RYR2: variants seen among roughly 807,000 people sequenced by gnomAD.
RYR2 encodes cardiac muscle ryanodine receptor-calcium release channel.
Under a neutral mutation model 601.1 loss-of-function variants are expected in RYR2, and 227 were observed. The observed-to-expected ratio is 0.38, with a 90% CI of 0.34 to 0.42. The LOEUF (loss-of-function observed/expected upper bound fraction) is 0.42, where lower values mean the gene tolerates loss of function less well. Among genes scored for constraint, RYR2 ranks in the 10% least tolerant of loss-of-function variants. The pLI, the probability that RYR2 is intolerant of heterozygous loss-of-function variation, is 1.00. For synonymous variants in RYR2, 2,223 were observed against 2,175.1 expected, an observed-to-expected ratio of 1.02 and a Z score of -0.61; for missense variants, 4,646 against 6,156.5, an observed-to-expected ratio of 0.75 and a Z score of 8.21.
At chr1:237,774,048 A>T (rs1160057810) in intron 87 of RYR2, among the ~76,000 whole-genome samples, 3 of 152,246 alleles carry the variant, frequency 2.0e-5, no homozygotes, top group African/African-American at 7.2e-5. Context: ...TCGCATATGT[A>T]TATTATAGAT....
chr1:237,640,873 T>C, intron 46 of RYR2, 24 bp from the exon 47 acceptor site: 1 of 1,596,104 alleles, frequency 6.3e-7, no homozygotes, highest in Non-Finnish European at 8.6e-7. Context: ...TTGCTTTCTC[T>C]TTCTTTTGAA....
chr1:237,663,560 G>A (rs1307136235), intron 56 of RYR2, among the ~76,000 whole-genome samples: 1 of 152,174 alleles, frequency 6.6e-6, no homozygotes, highest in Non-Finnish European at 1.5e-5. Flanking sequence ...AGCTGGTATC[G>A]TGAGCTTGGG....
At chr1:237,459,810 G>C (rs1384870909) in intron 16 of RYR2, among the ~76,000 whole-genome samples, 2 of 152,124 alleles carry the variant, frequency 1.3e-5, no homozygotes, top group Admixed American at 1.3e-4. Flanking sequence ...TATGAACACG[G>C]TTCCTGCTCC....
chr1:237,590,630 C>G lies in RYR2; in HGVS notation c.3808-10C>G. 3 of 1,494,940 alleles carry G rather than the reference C, an allele frequency of 2.0e-6. No individual in the cohort carries two copies. Among genetic ancestry groups the G allele is most frequent in the Non-Finnish European group, 2.7e-6 (3 of 1,121,478 alleles). The allele number at this position is 1,494,940 out of a possible 1,614,324, so 92.6% of individuals were successfully genotyped here. On this transcript the variant is annotated splice_polypyrimidine_tract_variant and intron_variant, in intron 30 of 104. Transcript: ENST00000366574. ...ATTGGAATGTGAACTATCGCTTCTT[C>G]GTTTGCTAGGTGACCAGAATAGACG...
At chr1:237,225,470 T>G (rs1684261069) in intron 1 of RYR2, among the ~76,000 whole-genome samples, 1 of 152,096 alleles carries the variant, frequency 6.6e-6, no homozygotes, top group Non-Finnish European at 1.5e-5. Flanking sequence ...TATAAAACCT[T>G]CAGATCTTGT....
At chr1:237,536,346 C>G (rs548050832) in intron 25 of RYR2, among the ~76,000 whole-genome samples, 1 of 152,098 alleles carries the variant, frequency 6.6e-6, no homozygotes, top group African/African-American at 2.4e-5. Context: ...CCGAGGCAGG[C>G]GGATCACAAG....
At chr1:237,727,221 G>A (rs1284138038) in intron 76 of RYR2, 22 bp downstream of exon 76, 3 of 1,179,068 alleles carry the variant, frequency 2.5e-6, no homozygotes, top group Non-Finnish European at 3.6e-6. Flanking sequence ...TTTATTTTTT[G>A]TAATAGATCA....
At chr1:237,332,197 G>C (rs1696812573) in intron 3 of RYR2, among the ~76,000 whole-genome samples, 1 of 152,112 alleles carries the variant, frequency 6.6e-6, no homozygotes, top group Admixed American at 6.5e-5. Flanking sequence ...GGAGTGATCA[G>C]TTATAACGTT....
At chr1:237,448,039 G>A (rs2150180246) in intron 14 of RYR2, among the ~76,000 whole-genome samples, 1 of 151,606 alleles carries the variant, frequency 6.6e-6, no homozygotes, top group Middle Eastern at 3.4e-3. Flanking sequence ...AATTTCTACT[G>A]TGTCAGCTTC....
At chr1:237,529,260 C>A (rs1450717834) in intron 24 of RYR2, among the ~76,000 whole-genome samples, 1 of 152,090 alleles carries the variant, frequency 6.6e-6, no homozygotes, top group Non-Finnish European at 1.5e-5. Context: ...CTTTATTCAG[C>A]TTATTTTGTA....
intron 71 of RYR2, among the ~76,000 whole-genome samples, chr1:237,714,941 C>T (rs149967238): frequency 0.031 from 3,933 of 128,866 alleles, 60 homozygotes; most frequent in Middle Eastern, 0.086. Flanking sequence ...TGCAGTGAGC[C>T]GAGATCACAC....
At chr1:237,535,725 T>G (rs1414508710) in intron 25 of RYR2, among the ~76,000 whole-genome samples, 2 of 152,206 alleles carry the variant, frequency 1.3e-5, no homozygotes, top group Non-Finnish European at 2.9e-5. Context: ...CTCAGTAGTG[T>G]ATTAACAAAG....
intron 98 of RYR2, among the ~76,000 whole-genome samples, chr1:237,804,901 A>T (rs1228168577): frequency 1.3e-5 from 2 of 152,212 alleles, no homozygotes; most frequent in African/African-American, 4.8e-5. Context: ...GCTGTAGAGC[A>T]AGGGTTCTTC....
chr1:237,188,701 G>T (rs1047227316), intron 1 of RYR2, among the ~76,000 whole-genome samples: 1 of 152,090 alleles, frequency 6.6e-6, no homozygotes, highest in African/African-American at 2.4e-5. Context: ...GAGTAGCTGG[G>T]ATTACAGGTG....
intron 82 of RYR2, among the ~76,000 whole-genome samples, chr1:237,758,446 C>T (rs921685270): frequency 1.3e-5 from 2 of 152,022 alleles, no homozygotes; most frequent in Non-Finnish European, 1.5e-5. Flanking sequence ...AGTTATCACA[C>T]CCCCCGTAAA....
rs1695374375 is a variant in RYR2 at position 237,784,351 on chromosome 1, G to C, written c.12639G>C (p.Glu4213Asp). The change falls in exon 90 of 105, where the codon GAG (glutamate) becomes GAC (aspartate). Residue 4213 changes from glutamate to aspartate, a missense_variant. Around this residue, in one of 17 missense-constraint regions of RYR2, gnomAD observed 364 missense variants for 442.9 expected, o/e 0.82. Transcript: ENST00000366574. The surrounding 1 kb of genome is among the most constrained non-coding windows in gnomAD (Gnocchi z 7.1). The part of the protein sequence containing the change: ...AAQISESDLN[E>D]RSANKEESEK... ...AGATCTCGGAGTCGGACTTGAACGA[G>C]AGGTCAGCGAATAAGGAAGAAAGCG... The C allele has an allele frequency of 7.4e-6, 12 of 1,613,802 alleles. No individual in the cohort carries two copies. The highest frequency in any genetic ancestry group is 1.6e-4 in the Middle Eastern group (1 of 6,084).
intron 1 of RYR2, among the ~76,000 whole-genome samples, chr1:237,189,686 G>T (rs546341099): frequency 6.6e-6 from 1 of 152,126 alleles, no homozygotes; most frequent in African/African-American, 2.4e-5. Context: ...CTGGCACCCT[G>T]ATCTTTGTCC....
intron 35 of RYR2, among the ~76,000 whole-genome samples, chr1:237,606,743 A>G (rs937119179): frequency 6.6e-6 from 1 of 152,202 alleles, no homozygotes; most frequent in Non-Finnish European, 1.5e-5. Flanking sequence ...AAAAACAAAC[A>G]ACCCCATCAA....
intron 50 of RYR2, 134 bp downstream of exon 50, chr1:237,650,231 A>T (rs1682588871): frequency 2.5e-6 from 2 of 794,052 alleles, no homozygotes; most frequent in Non-Finnish European, 4.0e-6. Context: ...GTAGTCCCAT[A>T]TACTGAGGTA....
Sources: gnomAD v4.1 joint callset for allele counts (sites outside exome capture counted in the v4.1 genomes callset) on GRCh38, gnomAD v4.1.1 for gene constraint, gnomAD v4.1.1 regional missense constraint, Gnocchi (gnomAD v3.1) non-coding constraint, MANE v1.5 for transcripts, NCBI Gene and HGNC (gene_info 2026-07-23, HGNC 2026-07-21) for gene names.